Variants in ADGRL3 observed in about 807,000 individuals in gnomAD.
ADGRL3 encodes calcium-independent alpha-latrotoxin receptor 3.
A neutral mutation model predicts 153.5 loss-of-function variants in ADGRL3; 62 were observed. The ratio of observed to expected loss-of-function variants is 0.40; its 90% CI spans 0.33 to 0.50. The LOEUF (loss-of-function observed/expected upper bound fraction) is 0.50, where lower values mean the gene tolerates loss of function less well. ADGRL3 is among the 20% of genes least tolerant of loss of function. The pLI is 0.47. For missense variants in ADGRL3, 1,641 were observed against 1,859.4 expected (o/e 0.88, Z 2.16); for synonymous variants, 710 against 672.5 (o/e 1.06, Z -0.86).
intron 1 of ADGRL3, among the ~76,000 whole-genome samples, chr4:61,364,546 T>C (rs1193952650): frequency 1.3e-5 from 2 of 152,232 alleles, no homozygotes; most frequent in East Asian, 1.9e-4. Context: ...TTTATACAAC[T>C]TTCTTCCACA....
intron 3 of ADGRL3, among the ~76,000 whole-genome samples, chr4:61,506,838 G>T (rs1210944327): frequency 6.6e-6 from 1 of 152,062 alleles, no homozygotes; most frequent in Non-Finnish European, 1.5e-5. Flanking sequence ...CTTGGACTCA[G>T]ATGACTTTAA....
At chr4:61,212,618 T>A (rs1221445519) in intron 1 of ADGRL3, among the ~76,000 whole-genome samples, 1 of 152,162 alleles carries the variant, frequency 6.6e-6, no homozygotes, top group Non-Finnish European at 1.5e-5. Flanking sequence ...ACTCCTAAAT[T>A]TATTATTTTA....
intron 1 of ADGRL3, among the ~76,000 whole-genome samples, chr4:61,233,837 T>A (rs1389830319): frequency 6.6e-6 from 1 of 152,102 alleles, no homozygotes; most frequent in Non-Finnish European, 1.5e-5. Flanking sequence ...GGTGGGAATG[T>A]CTACTGGATG....
intron 1 of ADGRL3, among the ~76,000 whole-genome samples, chr4:61,237,470 C>CA (rs1226575012): frequency 1.3e-5 from 2 of 152,110 alleles, no homozygotes; most frequent in Admixed American, 1.3e-4. Flanking sequence ...AAGAGATCAT[C>CA]ACAAACAAAA....
intron 21 of ADGRL3, among the ~76,000 whole-genome samples, chr4:62,007,381 T>TATATATATATAC (rs1553908589): frequency 2.2e-4 from 2 of 9,296 alleles, no homozygotes; most frequent in African/African-American, 3.3e-4. Context: ...TATATATATA[T>TATATATATATAC]ATACACACAC....
intron 5 of ADGRL3, among the ~76,000 whole-genome samples, chr4:61,655,666 A>G (rs1289107520): frequency 1.3e-5 from 2 of 152,166 alleles, no homozygotes; most frequent in South Asian, 2.1e-4. Context: ...TTTTTCTCTT[A>G]ATTGATAGAT....
chr4:61,709,831 A>T, intron 6 of ADGRL3, among the ~76,000 whole-genome samples: 1 of 152,170 alleles, frequency 6.6e-6, no homozygotes, highest in South Asian at 2.1e-4. Flanking sequence ...TGTATCTAAG[A>T]GGGCTAGTAC....
At chr4:61,514,339 A>C (rs971738536) in intron 3 of ADGRL3, among the ~76,000 whole-genome samples, 1 of 152,200 alleles carries the variant, frequency 6.6e-6, no homozygotes, top group African/African-American at 2.4e-5. Context: ...GAATCTTTGC[A>C]GACTTAAGAT....
chr4:61,390,970 A>C (rs2152004574), intron 2 of ADGRL3, among the ~76,000 whole-genome samples: 1 of 152,188 alleles, frequency 6.6e-6, no homozygotes, highest in South Asian at 2.1e-4. Context: ...GTGCCCCAAT[A>C]ATTCATTCCT....
At chr4:61,471,049 A>T (rs569882499) in intron 2 of ADGRL3, among the ~76,000 whole-genome samples, 6 of 151,892 alleles carry the variant, frequency 4.0e-5, no homozygotes, top group Non-Finnish European at 8.8e-5. Flanking sequence ...AACATCCCTG[A>T]ACAATGTCTT....
chr4:61,756,124 A>G (rs2096827087), intron 8 of ADGRL3, among the ~76,000 whole-genome samples: 1 of 152,082 alleles, frequency 6.6e-6, no homozygotes, highest in Non-Finnish European at 1.5e-5. Flanking sequence ...TTCCATATGA[A>G]CTTTAAAGTA....
At chr4:61,566,284 C>T (rs111955515) in intron 4 of ADGRL3, among the ~76,000 whole-genome samples, 1 of 152,222 alleles carries the variant, frequency 6.6e-6, no homozygotes, top group Non-Finnish European at 1.5e-5. Flanking sequence ...GTGTCTGTGT[C>T]GAGATTTCCC....
intron 9 of ADGRL3, among the ~76,000 whole-genome samples, chr4:61,875,554 TATAAGTCA>T (rs1257052299): frequency 6.6e-6 from 1 of 152,206 alleles, no homozygotes; most frequent in East Asian, 1.9e-4. Flanking sequence ...TTGCTTATAA[TATAAGTCA>T]ACTTAATTTC....
chr4:61,737,157 C>T (rs1171313280), intron 8 of ADGRL3, among the ~76,000 whole-genome samples: 1 of 151,762 alleles, frequency 6.6e-6, no homozygotes, highest in Non-Finnish European at 1.5e-5. Flanking sequence ...GTACAGAAAC[C>T]CTCAACTTAT....
chr4:61,562,266 C>T (rs2148990556), intron 4 of ADGRL3, among the ~76,000 whole-genome samples: 1 of 152,280 alleles, frequency 6.6e-6, no homozygotes, highest in African/African-American at 2.4e-5. Context: ...GGTGGAGGAT[C>T]TTTCCCTGAT....
intron 6 of ADGRL3, among the ~76,000 whole-genome samples, chr4:61,721,398 G>A (rs1213090526): frequency 1.3e-5 from 2 of 152,140 alleles, no homozygotes; most frequent in South Asian, 2.1e-4. Flanking sequence ...AACTTGTAGT[G>A]TGATGTGTGA....
chr4:61,208,059 TCC>T (rs1738154391), intron 1 of ADGRL3, among the ~76,000 whole-genome samples: 1 of 152,110 alleles, frequency 6.6e-6, no homozygotes, highest in Non-Finnish European at 1.5e-5. Context: ...AGATTTTTTG[TCC>T]CCATTTAGTG....
chr4:61,818,701 G>T (rs1389058799), intron 9 of ADGRL3, among the ~76,000 whole-genome samples: 1 of 151,966 alleles, frequency 6.6e-6, no homozygotes, highest in African/African-American at 2.4e-5. Flanking sequence ...CTCAAATTGT[G>T]CTCTCTACCT....
At chr4:61,459,441 C>G (rs2097786756) in intron 2 of ADGRL3, among the ~76,000 whole-genome samples, 1 of 151,796 alleles carries the variant, frequency 6.6e-6, no homozygotes, top group Admixed American at 6.6e-5. Flanking sequence ...ACCACATTTT[C>G]TTTAGTCATT....
Sources: gnomAD v4.1 joint callset for allele counts (sites outside exome capture counted in the v4.1 genomes callset) on GRCh38, gnomAD v4.1.1 for gene constraint, MANE v1.5 for transcripts, NCBI Gene and HGNC (gene_info 2026-07-23, HGNC 2026-07-21) for gene names.